The following GSG1L variants were observed in gnomAD, a reference collection of about 807,000 sequenced individuals.
GSG1L encodes germ cell-specific gene 1-like protein.
Under a neutral mutation model 42.1 loss-of-function variants are expected in GSG1L, and 24 were observed. The observed-to-expected ratio is 0.57, with a 90% CI of 0.41 to 0.80. The LOEUF (loss-of-function observed/expected upper bound fraction) is 0.80, where lower values mean the gene tolerates loss of function less well. Among genes scored for constraint, GSG1L ranks in the 30% least tolerant of loss-of-function variants. The pLI is 0.00. For missense variants in GSG1L, 445 were observed against 472.2 expected, an observed-to-expected ratio of 0.94 and a Z score of 0.53; for synonymous variants, 215 against 203.5, an observed-to-expected ratio of 1.06 and a Z score of -0.48.
intron 2 of GSG1L, among the ~76,000 whole-genome samples, chr16:27,897,290 C>T (rs760894892): frequency 1.3e-5 from 2 of 151,794 alleles, no homozygotes; most frequent in Non-Finnish European, 2.9e-5. Flanking sequence ...GAAACTAATA[C>T]ACCTCCTTTT....
intron 4 of GSG1L, among the ~76,000 whole-genome samples, chr16:27,838,946 T>C (rs1044215510): frequency 1.3e-5 from 2 of 152,150 alleles, no homozygotes; most frequent in African/African-American, 4.8e-5. Context: ...TTCCTGCTGA[T>C]CACACAGCCT....
intron 1 of GSG1L, among the ~76,000 whole-genome samples, chr16:28,027,432 T>C (rs1016395605): frequency 2.0e-5 from 3 of 152,190 alleles, no homozygotes; most frequent in African/African-American, 7.2e-5. Flanking sequence ...GCAGGGCTTA[T>C]GAGGGGCCAC....
intron 3 of GSG1L, among the ~76,000 whole-genome samples, chr16:27,876,550 A>C (rs1385303469): frequency 1.3e-5 from 2 of 152,200 alleles, no homozygotes; most frequent in Non-Finnish European, 2.9e-5. Flanking sequence ...GGCTCTGCAA[A>C]TTTGCTTTCC....
At chr16:27,807,992 T>C (rs1228082716) in intron 5 of GSG1L, among the ~76,000 whole-genome samples, 1 of 152,240 alleles carries the variant, frequency 6.6e-6, no homozygotes, top group Non-Finnish European at 1.5e-5. Context: ...CCCTACATAA[T>C]GAATATAGGG....
chr16:27,946,612 AG>A (rs1567529923), intron 2 of GSG1L, among the ~76,000 whole-genome samples: 250 of 12,250 alleles, frequency 0.02, 11 homozygotes, highest in African/African-American at 0.055. Flanking sequence ...AGAGAGAGAG[AG>A]AGAGAGAGAG....
At chr16:27,840,206 T>C (rs1298728348) in intron 4 of GSG1L, among the ~76,000 whole-genome samples, 1 of 152,088 alleles carries the variant, frequency 6.6e-6, no homozygotes, top group East Asian at 1.9e-4. Context: ...ATTATTTTTA[T>C]TTTTTATTGT....
At chr16:27,965,177 C>A (rs940925012) in intron 1 of GSG1L, among the ~76,000 whole-genome samples, 1 of 151,986 alleles carries the variant, frequency 6.6e-6, no homozygotes, top group Non-Finnish European at 1.5e-5. Context: ...CACCATCACG[C>A]CCAGCCAATT....
At chr16:27,988,610 T>C (rs2085414854) in intron 1 of GSG1L, among the ~76,000 whole-genome samples, 1 of 152,148 alleles carries the variant, frequency 6.6e-6, no homozygotes, top group Non-Finnish European at 1.5e-5. Context: ...GATTTGTTTA[T>C]AGGGTTTTAT....
intron 1 of GSG1L, among the ~76,000 whole-genome samples, chr16:28,044,226 A>G (rs953441523): frequency 4.0e-5 from 6 of 150,094 alleles, no homozygotes; most frequent in Admixed American, 4.0e-4. Flanking sequence ...AAGTCACACA[A>G]ATTAGCCAGG....
chr16:27,898,416 C>G (rs919380055), intron 2 of GSG1L, among the ~76,000 whole-genome samples: 1 of 144,276 alleles, frequency 6.9e-6, no homozygotes, highest in African/African-American at 2.5e-5. Context: ...TTTTTCCCAT[C>G]TCTAAAAGGG....
At chr16:27,793,470 T>A (rs1365573399) in intron 6 of GSG1L, among the ~76,000 whole-genome samples, 1 of 139,866 alleles carries the variant, frequency 7.1e-6, no homozygotes, top group Non-Finnish European at 1.5e-5. Flanking sequence ...GCTGCCAAGA[T>A]AGAGGTGTTT....
intron 6 of GSG1L, among the ~76,000 whole-genome samples, chr16:27,804,181 C>T (rs2082929640): frequency 6.6e-6 from 1 of 152,040 alleles, no homozygotes; most frequent in African/African-American, 2.4e-5. Context: ...AATCAACTTC[C>T]CCTCCACTGC....
chr16:27,844,989 T>G lies in GSG1L; in HGVS notation c.623A>C (p.Asp208Ala). Residue 208 changes from aspartate to alanine, a missense_variant, in exon 4 of 7, where the codon GAC becomes GCC. Asp to Ala is a moderately radical substitution (Grantham distance 126). This residue lies in a region of GSG1L where 149 missense variants were observed against 223.3 expected (regional missense o/e 0.67). Transcript: ENST00000447459. ...GTAGTCCCAGGAATGGGGTCTCCAG[T>G]CCTCAGGACCGAGGCTCACGGTGAC... ...FQVTVSLGPE[D>A]WRPHSWDYGW... 6.2e-7 allele frequency: 1 copy of G among 1,613,460 alleles called. No individual in the cohort carries two copies. Among genetic ancestry groups the G allele is most frequent in the Non-Finnish European group, 8.5e-7 (1 of 1,179,638 alleles).
intron 4 of GSG1L, among the ~76,000 whole-genome samples, chr16:27,831,694 C>T (rs1274717882): frequency 1.3e-5 from 2 of 152,186 alleles, no homozygotes; most frequent in Non-Finnish European, 2.9e-5. Flanking sequence ...GGAGCAGAGC[C>T]AGACAGGCAA....
intron 4 of GSG1L, among the ~76,000 whole-genome samples, chr16:27,829,578 G>A (rs1052989657): frequency 2.0e-5 from 3 of 152,090 alleles, no homozygotes; most frequent in East Asian, 3.9e-4. Context: ...ACAGGGATTC[G>A]CTCTGTTGCC....
intron 1 of GSG1L, among the ~76,000 whole-genome samples, 156 bp downstream of exon 1, chr16:28,062,896 TCCCCGGCCCCGGAACGGCGCGCGC>T (rs933654241): frequency 1.3e-5 from 2 of 151,900 alleles, no homozygotes; most frequent in Non-Finnish European, 2.9e-5. Context: ...CCCATGCTGG[TCCCCGGCCCCGGAACGGCGCGCGC>T]CCCCTGCCCC....
intron 1 of GSG1L, among the ~76,000 whole-genome samples, chr16:28,010,903 A>G (rs2085709818): frequency 6.6e-6 from 1 of 152,158 alleles, no homozygotes; most frequent in South Asian, 2.1e-4. Flanking sequence ...CCTGAGTTAC[A>G]TGATGTCTCC....
chr16:28,063,065 C>T lies in GSG1L; in HGVS notation c.349+11G>A. On this transcript the variant is annotated intron_variant, in intron 1 of 6. Transcript: ENST00000447459. The surrounding 1 kb of genome is among the most constrained non-coding windows in gnomAD (Gnocchi z 5.8). Reference sequence around the variant, plus strand: ...CCGGAGCCGAGCTGGCCGCCGCCCGCGCGCACTCACCAAGCCCGCTGAGCT... The same window carrying T: ...CCGGAGCCGAGCTGGCCGCCGCCCGTGCGCACTCACCAAGCCCGCTGAGCT... 2 of 1,407,600 alleles carry T rather than the reference C, an allele frequency of 1.4e-6. No homozygotes were observed. The highest frequency in any genetic ancestry group is 1.9e-6 in the Non-Finnish European group (2 of 1,074,612). The allele number at this position is 1,407,600 out of a possible 1,614,324, so 87.2% of individuals were successfully genotyped here.
Position 27,985,154 on chromosome 16 carries a change from G to C in GSG1L, c.350-21951C>G, listed in dbSNP as rs114190193. Among the ~76,000 whole-genome samples, 1,450 of 152,192 alleles carry C rather than the reference G, an allele frequency of 9.5e-3. 26 individuals are homozygous for C. Among genetic ancestry groups the C allele is most frequent in the African/African-American group, 0.032 (1,337 of 41,522 alleles). On this transcript the variant is annotated intron_variant, in intron 1 of 6. Coordinates refer to ENST00000447459, the MANE Select transcript of GSG1L (RefSeq NM_001109763.2). ...TGAAGCCAAATGAATCAATCTAGAG[G>C]AGACTTCCTGTGCCCCTGAGACCCT...
Sources: allele counts gnomAD v4.1 joint callset (sites outside exome capture counted in the v4.1 genomes callset), GRCh38; gene constraint gnomAD v4.1.1; regional missense constraint gnomAD v4.1.1; non-coding constraint Gnocchi (gnomAD v3.1); transcripts MANE v1.5; gene names NCBI Gene and HGNC (gene_info 2026-07-23, HGNC 2026-07-21).